The following IQGAP1 variants were observed in gnomAD, a reference collection of about 807,000 sequenced individuals.
The protein encoded by IQGAP1 is ras GTPase-activating-like protein IQGAP1.
Under a neutral mutation model 215.6 loss-of-function variants are expected in IQGAP1, and 66 were observed. The observed-to-expected ratio is 0.31, with a 90% CI of 0.25 to 0.38. The LOEUF (loss-of-function observed/expected upper bound fraction) is 0.38. IQGAP1 is among the 10% of genes least tolerant of loss of function. The probability of loss-of-function intolerance (pLI) is 1.00; values close to 1 mark genes in which losing one functional copy is unlikely to be tolerated. For missense variants in IQGAP1, 1,712 were observed against 1,997.1 expected (o/e 0.86, Z 2.72); for synonymous variants, 772 against 728.7 (o/e 1.06, Z -0.96).
chr15:90,485,980 C>A, intron 30 of IQGAP1, 50 bp from the exon 31 acceptor site: 1 of 1,359,336 alleles, frequency 7.4e-7, no homozygotes, highest in Non-Finnish European at 1.0e-6. Context: ...TAGGGAGGGA[C>A]GGGCTGAAGA....
intron 2 of IQGAP1, among the ~76,000 whole-genome samples, chr15:90,420,515 G>T (rs1408137405): frequency 6.6e-6 from 1 of 152,158 alleles, no homozygotes; most frequent in Non-Finnish European, 1.5e-5. Context: ...CAGTATTCAG[G>T]CTCAGCCTGC....
At chr15:90,435,336 C>G (rs1965356407) in intron 5 of IQGAP1, among the ~76,000 whole-genome samples, 1 of 152,058 alleles carries the variant, frequency 6.6e-6, no homozygotes, top group South Asian at 2.1e-4. Flanking sequence ...ATTAGCTAGG[C>G]ATGGTGGCAT....
At chr15:90,443,065 C>G (rs1057080520) in intron 8 of IQGAP1, among the ~76,000 whole-genome samples, 2 of 152,076 alleles carry the variant, frequency 1.3e-5, no homozygotes, top group African/African-American at 4.8e-5. Flanking sequence ...GGAAAGCAAT[C>G]TTACTGTCAC....
At position 90,452,912 on chromosome 15, in the gene IQGAP1, G is replaced by T; in HGVS notation, c.1300G>T (p.Ala434Ser). 1 of 1,613,948 alleles carries T rather than the reference G, an allele frequency of 6.2e-7. No individual in the cohort carries two copies. Among genetic ancestry groups the T allele is most frequent in the Non-Finnish European group, 8.5e-7 (1 of 1,179,994 alleles). Residue 434 changes from alanine (A) to serine (S), a missense_variant, in exon 12 of 38, where the codon GCT becomes TCT. Physicochemically the swap from Ala to Ser is moderately conservative, Grantham distance 99. Transcript: ENST00000268182. ...FAADLYQKELATLQRQSPEHN... is the reference protein window; with the variant it reads ...FAADLYQKELSTLQRQSPEHN... ...CGCCGATCTCTATCAGAAGGAGCTG[G>T]CTACCCTGCAGCGACAAAGTCCTGA... is the stretch of plus-strand genomic sequence containing the variant.
At chr15:90,463,645 G>A (rs1437711341) in intron 15 of IQGAP1, among the ~76,000 whole-genome samples, 1 of 152,144 alleles carries the variant, frequency 6.6e-6, no homozygotes, top group Non-Finnish European at 1.5e-5. Context: ...GAAGGTACTA[G>A]GTTCTGCAGC....
chr15:90,467,686 C>G (rs1965850663), intron 18 of IQGAP1, 94 bp downstream of exon 18: 2 of 1,305,386 alleles, frequency 1.5e-6, no homozygotes, highest in Non-Finnish European at 2.1e-6. Flanking sequence ...GGTCAGAAGC[C>G]CTAGACTAAA....
intron 9 of IQGAP1, among the ~76,000 whole-genome samples, chr15:90,445,227 T>A (rs941479553): frequency 6.6e-6 from 1 of 152,066 alleles, no homozygotes; most frequent in African/African-American, 2.4e-5. Flanking sequence ...CTGTGTAACA[T>A]TGGGCACCTG....
Position 90,500,173 on chromosome 15 carries a change from CCTT to C in IQGAP1, c.*69_*71del. 1.1e-6 allele frequency: 1 copy of C among 881,352 alleles called. No homozygotes were observed. Among genetic ancestry groups the C allele is most frequent in the Non-Finnish European group, 1.9e-6 (1 of 531,812 alleles). The allele number at this position is 881,352 out of a possible 1,614,324, so 54.6% of individuals were successfully genotyped here. A position where few individuals can be genotyped will look rare whatever the true frequency, so the allele number is the denominator to read the frequency against. On this transcript the variant is annotated 3_prime_UTR_variant, in exon 38 of 38. Transcript: ENST00000268182. ...AGCACCTCACAGCTCCTTTCTAGGT[CCTT>C]CTTTCCTCATTGGAAGCAAAGACCT...
intron 2 of IQGAP1, among the ~76,000 whole-genome samples, chr15:90,405,689 A>C (rs1964867454): frequency 6.6e-6 from 1 of 152,128 alleles, no homozygotes; most frequent in Non-Finnish European, 1.5e-5. Flanking sequence ...TCTCCAAGGC[A>C]AAGGATAGTG....
Position 90,481,631 on chromosome 15 carries a change from G to C in IQGAP1, c.3330-329G>C, listed in dbSNP as rs936894261. On this transcript the variant is annotated intron_variant, in intron 26 of 37. Transcript: ENST00000268182. ...TCCCTATGGTCCTGTGGCACTTTTG[G>C]TGAACTGATTTACAGCACAATAGGT... Among the ~76,000 whole-genome samples the C allele has an allele frequency of 7.9e-5, 12 of 152,028 alleles. No individual in the cohort carries two copies. The East Asian group carries it at 2.3e-3, about 29-fold the overall frequency.
chr15:90,442,845 G>A (rs1011220528), intron 8 of IQGAP1, among the ~76,000 whole-genome samples: 5 of 152,116 alleles, frequency 3.3e-5, no homozygotes, highest in East Asian at 1.9e-4. Flanking sequence ...GATGGTGCAC[G>A]CCTGTAGTCC....
intron 3 of IQGAP1, 132 bp downstream of exon 3, chr15:90,426,398 C>T: frequency 4.3e-6 from 4 of 938,380 alleles, no homozygotes; most frequent in Non-Finnish European, 4.6e-6. Flanking sequence ...CTTTAAAATG[C>T]CTGGCAGAAT....
chr15:90,452,741 C>G, intron 11 of IQGAP1, 34 bp from the exon 12 acceptor site: 2 of 1,609,454 alleles, frequency 1.2e-6, no homozygotes, highest in African/African-American at 2.7e-5. Context: ...GCTCTCTAAG[C>G]CCACTGCGTT....
chr15:90,412,050 T>C (rs1256406137), intron 2 of IQGAP1, among the ~76,000 whole-genome samples: 1 of 152,166 alleles, frequency 6.6e-6, no homozygotes, highest in Non-Finnish European at 1.5e-5. Flanking sequence ...GACCAGGGAC[T>C]CTATTAAAAT....
Position 90,390,838 on chromosome 15 carries a change from T to C in IQGAP1, c.120T>C (p.Ala40=), listed in dbSNP as rs1233982423. 1.9e-6 allele frequency: 3 copies of C among 1,612,670 alleles called. No homozygotes were observed. Among genetic ancestry groups the C allele is most frequent in the Non-Finnish European group, 2.5e-6 (3 of 1,178,640 alleles). Residue 40 remains alanine, a synonymous_variant, in exon 2 of 38, where the codon GCT becomes GCC. Coordinates refer to ENST00000268182, the MANE Select transcript of IQGAP1 (RefSeq NM_003870.4). ...EMDERRRQNV[A]YEYLCHLEEA... is the part of the protein sequence containing the mutation. ...ATGAAAGGAGACGTCAGAACGTGGC[T>C]TATGAGTACCTTTGTCATTTGGAAG...
intron 37 of IQGAP1, among the ~76,000 whole-genome samples, chr15:90,497,861 A>G (rs916881524): frequency 6.6e-6 from 1 of 152,188 alleles, no homozygotes; most frequent in African/African-American, 2.4e-5. Flanking sequence ...TACACGTTAA[A>G]AAATAACAGG....
chr15:90,467,456 A>G lies in IQGAP1; in HGVS notation c.2042A>G (p.Asn681Ser), dbSNP rs1168965123. Residue 681 changes from asparagine (N) to serine (S), a missense_variant, in exon 18 of 38, where the codon AAT (asparagine) becomes AGT (serine). Asn to Ser is a conservative substitution (Grantham distance 46). Around this residue, in one of 2 missense-constraint regions of IQGAP1, gnomAD observed 1,021 missense variants for 1,074.2 expected, o/e 0.95. Coordinates refer to ENST00000268182, the MANE Select transcript of IQGAP1 (RefSeq NM_003870.4). ...AKKKKLAVGDNNSKWVKHWVK... is the reference protein window; with the variant it reads ...AKKKKLAVGDSNSKWVKHWVK... ...TTCCTTTATTTTCTGCCAGGAGATA[A>G]TAACAGCAAGTGGGTGAAGCACTGG... 1 of 1,608,344 alleles carries G rather than the reference A, an allele frequency of 6.2e-7. No homozygotes were observed. Among genetic ancestry groups the G allele is most frequent in the African/African-American group, 1.3e-5 (1 of 74,296 alleles).
chr15:90,459,306 A>G (rs982755171), intron 15 of IQGAP1, among the ~76,000 whole-genome samples: 1 of 152,230 alleles, frequency 6.6e-6, no homozygotes, highest in African/African-American at 2.4e-5. Flanking sequence ...AAACCTTGTC[A>G]ATTTCCTCAG....
At chr15:90,485,021 A>G (rs1235604693) in intron 30 of IQGAP1, among the ~76,000 whole-genome samples, 1 of 151,900 alleles carries the variant, frequency 6.6e-6, no homozygotes, top group Admixed American at 6.6e-5. Flanking sequence ...TCTCTGCGTT[A>G]TTTTTCTAAC....
Sources: allele counts gnomAD v4.1 joint callset (sites outside exome capture counted in the v4.1 genomes callset), GRCh38; gene constraint gnomAD v4.1.1; regional missense constraint gnomAD v4.1.1; transcripts MANE v1.5; gene names NCBI Gene and HGNC (gene_info 2026-07-23, HGNC 2026-07-21).